The following ATP11B variants were observed in gnomAD, a reference collection of about 807,000 sequenced individuals.
ATP11B encodes ATPase phospholipid transporting 11B (putative).
A neutral mutation model predicts 157.8 loss-of-function variants in ATP11B; 81 were observed. The ratio of observed to expected loss-of-function variants is 0.51; its 90% CI spans 0.43 to 0.62. The LOEUF (loss-of-function observed/expected upper bound fraction) is 0.62. Among genes scored for constraint, ATP11B ranks in the 20% least tolerant of loss-of-function variants. ATP11B has a pLI of 0.00. For missense variants in ATP11B, 1,165 were observed against 1,402.2 expected, an observed-to-expected ratio of 0.83 and a Z score of 2.70; for synonymous variants, 451 against 469.4, an observed-to-expected ratio of 0.96 and a Z score of 0.51.
In ATP11B at chr3:182,918,247, A is replaced by G. The variant is rs754902901; in HGVS notation, c.*143A>G. On this transcript the variant is annotated 3_prime_UTR_variant, in exon 30 of 30. Transcript: ENST00000323116. ...ATACCCACTCAGAGTTATAATGGCA[A>G]ACAAACAGAAAGCATTAGTACAAGC... 2 of 1,194,786 alleles carry G rather than the reference A, an allele frequency of 1.7e-6. No individual in the cohort carries two copies. The highest frequency in any genetic ancestry group is 3.1e-5 in the African/African-American group (2 of 64,840). 74.0% of individuals were successfully genotyped at this position (1,194,786 alleles called of 1,614,324 possible).
rs1449134763 is a variant in ATP11B, at chr3:182,845,354, G to T, written c.705-104G>T. 1.3e-5 allele frequency: 12 copies of T among 949,052 alleles called. No homozygotes were observed. In the East Asian group the frequency reaches 3.6e-4, roughly 29 times the overall value. The allele number at this position is 949,052 out of a possible 1,614,324, so 58.8% of individuals were successfully genotyped here. A position where few individuals can be genotyped will look rare whatever the true frequency, so the allele number is the denominator to read the frequency against. On this transcript the variant is annotated intron_variant, in intron 8 of 29. Coordinates refer to ENST00000323116, the MANE Select transcript of ATP11B (RefSeq NM_014616.3). ...GGGATTTTGGTTTTATATGAAAGTG[G>T]TGTTATGGCTATAGCTTAAGTACCT...
At chr3:182,845,233 C>T (rs532680754) in intron 8 of ATP11B, among the ~76,000 whole-genome samples, 14 of 152,176 alleles carry the variant, frequency 9.2e-5, no homozygotes, top group African/African-American at 3.4e-4. Flanking sequence ...TCTCAAACTC[C>T]TGAGCTCAGG....
chr3:182,795,307 G>A (rs902319249), intron 1 of ATP11B, among the ~76,000 whole-genome samples: 1 of 152,204 alleles, frequency 6.6e-6, no homozygotes, highest in African/African-American at 2.4e-5. Flanking sequence ...TGATTTACCT[G>A]ATGGTGTTTT....
intron 10 of ATP11B, 88 bp downstream of exon 10, chr3:182,848,645 TA>T: frequency 3.7e-6 from 2 of 535,144 alleles, no homozygotes; most frequent in Non-Finnish European, 5.3e-6. Flanking sequence ...ATATAATATA[TA>T]TTAAGTAAAC....
intron 10 of ATP11B, among the ~76,000 whole-genome samples, chr3:182,852,544 A>C (rs917667046): frequency 1.3e-5 from 2 of 152,216 alleles, no homozygotes; most frequent in Non-Finnish European, 2.9e-5. Context: ...ATGAAACAGA[A>C]AGTCTAAATA....
chr3:182,862,498 A>G (rs368674911), intron 12 of ATP11B, among the ~76,000 whole-genome samples: 3 of 152,108 alleles, frequency 2.0e-5, no homozygotes, highest in African/African-American at 4.8e-5. Flanking sequence ...AGTTCAGCCT[A>G]CTAGGGGAAT....
intron 12 of ATP11B, among the ~76,000 whole-genome samples, chr3:182,860,982 A>G (rs1720787344): frequency 6.6e-6 from 1 of 151,932 alleles, no homozygotes; most frequent in Non-Finnish European, 1.5e-5. Flanking sequence ...CCTAAAATTC[A>G]CTGCATAATG....
intron 4 of ATP11B, among the ~76,000 whole-genome samples, chr3:182,830,881 A>T (rs1198807839): frequency 6.6e-6 from 1 of 152,172 alleles, no homozygotes; most frequent in African/African-American, 2.4e-5. Flanking sequence ...CATTTAAATC[A>T]CTCCATATAA....
chr3:182,811,193 C>T (rs1716642411), intron 1 of ATP11B, among the ~76,000 whole-genome samples: 1 of 152,100 alleles, frequency 6.6e-6, no homozygotes, highest in Admixed American at 6.5e-5. Context: ...ATGTGATTTT[C>T]TGAAATAGTA....
intron 17 of ATP11B, 69 bp from the exon 18 acceptor site, chr3:182,872,287 T>A: frequency 4.3e-6 from 5 of 1,163,458 alleles, no homozygotes; most frequent in Non-Finnish European, 6.1e-6. Flanking sequence ...ATTTTGATAG[T>A]GACTTCTTGA....
intron 1 of ATP11B, among the ~76,000 whole-genome samples, chr3:182,814,025 T>G (rs920280557): frequency 4.0e-5 from 6 of 151,794 alleles, no homozygotes; most frequent in African/African-American, 1.5e-4. Context: ...CACGCCTGAC[T>G]GACATTTATT....
At chr3:182,844,275 A>G (rs1279863310) in intron 8 of ATP11B, 2 of 152,212 alleles carry the variant, frequency 1.3e-5, no homozygotes, top group African/African-American at 2.4e-5. Context: ...ATTGATTTGG[A>G]CTATCCATGG....
Position 182,793,543 on chromosome 3 carries a change from G to A in ATP11B, c.-217G>A. 2.8e-6 allele frequency: 1 copy of A among 358,494 alleles called. No individual in the cohort carries two copies. The highest frequency in any genetic ancestry group is 5.0e-6 in the Non-Finnish European group (1 of 201,082). The allele number at this position is 358,494 out of a possible 1,614,324, so 22.2% of individuals were successfully genotyped here. On this transcript the variant is annotated 5_prime_UTR_variant, in exon 1 of 30. Transcript: ENST00000323116. ...CTGCGGCGCGGCGGCAGGCTCAGCTGCGCCGGGCGGGGGCGGCGCCGGGGC... is the reference window on the plus strand; with the variant it reads ...CTGCGGCGCGGCGGCAGGCTCAGCTACGCCGGGCGGGGGCGGCGCCGGGGC...
chr3:182,879,684 C>G, intron 20 of ATP11B, 35 bp downstream of exon 20: 1 of 1,556,912 alleles, frequency 6.4e-7, no homozygotes, highest in Non-Finnish European at 8.7e-7. Flanking sequence ...TCCCATAAAG[C>G]TATTTAGATA....
At chr3:182,841,126 C>G (rs1239180028) in intron 7 of ATP11B, among the ~76,000 whole-genome samples, 1 of 152,188 alleles carries the variant, frequency 6.6e-6, no homozygotes, top group Non-Finnish European at 1.5e-5. Flanking sequence ...TAGCCCTTGT[C>G]TAACTCTTGA....
intron 10 of ATP11B, among the ~76,000 whole-genome samples, chr3:182,850,179 TAATC>T (rs1469399180): frequency 6.6e-6 from 1 of 152,034 alleles, no homozygotes; most frequent in Admixed American, 6.6e-5. Context: ...ACCATATAAA[TAATC>T]AACTCAACGC....
intron 7 of ATP11B, among the ~76,000 whole-genome samples, chr3:182,838,821 T>C (rs1041802331): frequency 1.3e-5 from 2 of 151,562 alleles, no homozygotes; most frequent in Admixed American, 1.3e-4. Context: ...ATATTACATG[T>C]GAAATATTGC....
At chr3:182,916,106 T>C in intron 29 of ATP11B, 2 of 985,380 alleles carry the variant, frequency 2.0e-6, no homozygotes, top group Non-Finnish European at 2.4e-6. Context: ...ATGTGAAAAT[T>C]GCCATAGATG....
chr3:182,917,094 C>A, intron 29 of ATP11B: 1 of 985,314 alleles, frequency 1.0e-6, no homozygotes, highest in Non-Finnish European at 1.2e-6. Context: ...TACATACAAA[C>A]TTAGCATCTC....
Sources: gnomAD v4.1 joint callset for allele counts (sites outside exome capture counted in the v4.1 genomes callset) on GRCh38, gnomAD v4.1.1 for gene constraint, MANE v1.5 for transcripts, NCBI Gene and HGNC (gene_info 2026-07-23, HGNC 2026-07-21) for gene names.